Variants in NUMB observed in about 807,000 individuals in gnomAD.
NUMB encodes the protein protein numb homolog.
In NUMB, 29 loss-of-function variants were observed where a neutral mutation model predicts 59.7. The ratio of observed to expected loss-of-function variants is 0.49; its 90% CI spans 0.36 to 0.66. NUMB has a LOEUF of 0.66. Among genes scored for constraint, NUMB ranks in the 30% least tolerant of loss-of-function variants. The pLI is 0.00. For synonymous variants in NUMB, 288 were observed against 288.2 expected (o/e 1.00, Z 0.01); for missense variants, 723 against 822.0 (o/e 0.88, Z 1.47).
At position 73,354,597 on chromosome 14, in the gene NUMB, G is replaced by A. The variant is rs147631587; in HGVS notation, c.126+1029C>T. On this transcript the variant is annotated intron_variant, in intron 4 of 12. Coordinates refer to ENST00000555238, the MANE Select transcript of NUMB (RefSeq NM_001005743.2). ...ATCCCAGCACTTTGGGGGCTGAGGC[G>A]GGAGGATCGCCTGAAGTCAGGAGTT... Among the ~76,000 whole-genome samples, 161 of 150,414 alleles carry A rather than the reference G, an allele frequency of 1.1e-3. 1 individual carries two copies. Among genetic ancestry groups the A allele is most frequent in the African/African-American group, 2.2e-3 (90 of 41,024 alleles).
At chr14:73,383,661 G>A (rs1019298586) in intron 2 of NUMB, among the ~76,000 whole-genome samples, 12 of 152,116 alleles carry the variant, frequency 7.9e-5, no homozygotes, top group Non-Finnish European at 1.8e-4. Context: ...AAGCATGAAA[G>A]AAAACCACGT....
At chr14:73,307,309 T>A (rs866281723) in intron 6 of NUMB, among the ~76,000 whole-genome samples, 14 of 143,168 alleles carry the variant, frequency 9.8e-5, no homozygotes, top group Middle Eastern at 7.3e-3. Context: ...ACTCTGTCTT[T>A]AAAAAAAAAA....
At chr14:73,455,072 T>A (rs944946057) in intron 1 of NUMB, among the ~76,000 whole-genome samples, 8 of 152,302 alleles carry the variant, frequency 5.3e-5, no homozygotes, top group African/African-American at 1.7e-4. Context: ...AGATATGCAA[T>A]GGTTATATGC....
intron 4 of NUMB, among the ~76,000 whole-genome samples, chr14:73,324,498 T>C (rs1292966946): frequency 1.3e-5 from 2 of 152,180 alleles, no homozygotes; most frequent in Non-Finnish European, 2.9e-5. Flanking sequence ...GGGAAAGTTC[T>C]CTTCTCCCCA....
At chr14:73,304,200 C>T (rs920528368) in intron 6 of NUMB, among the ~76,000 whole-genome samples, 10 of 152,230 alleles carry the variant, frequency 6.6e-5, no homozygotes, top group African/African-American at 2.4e-4. Flanking sequence ...AGATGACTTT[C>T]TCCTAAATAT....
At chr14:73,444,079 C>T (rs189565541) in intron 1 of NUMB, among the ~76,000 whole-genome samples, 1 of 152,150 alleles carries the variant, frequency 6.6e-6, no homozygotes, top group East Asian at 1.9e-4. Flanking sequence ...GGGCCGAGAG[C>T]TTTTAAATAT....
At chr14:73,352,490 A>G (rs1893406473) in intron 4 of NUMB, among the ~76,000 whole-genome samples, 1 of 5,514 alleles carries the variant, frequency 1.8e-4, no homozygotes, top group Non-Finnish European at 2.7e-4. Context: ...ATATATATAT[A>G]TATATATATA....
chr14:73,426,572 G>C (rs1326914427), intron 1 of NUMB, among the ~76,000 whole-genome samples: 1 of 152,110 alleles, frequency 6.6e-6, no homozygotes, highest in African/African-American at 2.4e-5. Context: ...CCAGGGCCGG[G>C]CGCGGTGGCT....
rs1264499441 is a variant in NUMB at position 73,292,892 on chromosome 14, C to G, written c.310-18G>C. On this transcript the variant is annotated intron_variant, in intron 7 of 12. Transcript: ENST00000555238. ...ATGAGGTCCTAGAAAATACGACACA[C>G]AAAGAAAGAGAAGACTTATGAGGTT... 6.2e-7 allele frequency: 1 copy of G among 1,613,054 alleles called. No homozygotes were observed. The highest frequency in any genetic ancestry group is 8.5e-7 in the Non-Finnish European group (1 of 1,179,582).
chr14:73,308,773 C>T (rs1236455861), intron 6 of NUMB, among the ~76,000 whole-genome samples: 2 of 152,126 alleles, frequency 1.3e-5, no homozygotes, highest in Non-Finnish European at 2.9e-5. Flanking sequence ...AAGGGGAGAA[C>T]TGGGAAAGTA....
intron 2 of NUMB, among the ~76,000 whole-genome samples, chr14:73,367,449 T>C (rs2140047345): frequency 6.6e-6 from 1 of 150,984 alleles, no homozygotes; most frequent in South Asian, 2.1e-4. Flanking sequence ...GTAAGACCAG[T>C]AATTAGCATT....
intron 4 of NUMB, among the ~76,000 whole-genome samples, chr14:73,334,487 G>A (rs777923624): frequency 6.6e-6 from 1 of 152,144 alleles, no homozygotes; most frequent in Admixed American, 6.5e-5. Flanking sequence ...ACTGACCTAT[G>A]AAACCATCTA....
At chr14:73,411,919 CTTTT>C (rs935625343) in intron 1 of NUMB, among the ~76,000 whole-genome samples, 8 of 106,806 alleles carry the variant, frequency 7.5e-5, no homozygotes, top group South Asian at 3.1e-4. Flanking sequence ...CAGCAATTAA[CTTTT>C]TTTTTTTTTT....
chr14:73,322,917 C>A, intron 5 of NUMB: 1 of 370,886 alleles, frequency 2.7e-6, no homozygotes, highest in Non-Finnish European at 4.8e-6. Context: ...TCTCAAACTC[C>A]TGGCCTCATG....
intron 5 of NUMB, among the ~76,000 whole-genome samples, chr14:73,318,731 C>T (rs1182795428): frequency 6.6e-6 from 1 of 152,124 alleles, no homozygotes; most frequent in Non-Finnish European, 1.5e-5. Flanking sequence ...GGTTATATGA[C>T]AAAGTAAATG....
chr14:73,308,961 CA>C (rs1210686199), intron 6 of NUMB, among the ~76,000 whole-genome samples: 2 of 152,026 alleles, frequency 1.3e-5, no homozygotes, highest in Non-Finnish European at 2.9e-5. Flanking sequence ...TAAATGGGTT[CA>C]ACAGAAGAAG....
rs1212863745 is a variant in NUMB, at chr14:73,451,153, C to CAAA, written c.-233+7337_-233+7339dup. ...TGGGCGACAGAGCAGGACTCTGTCT[C>CAAA]AAAAAAAAAAAAAAAAAAAAACAAA... On this transcript the variant is annotated intron_variant, in intron 1 of 12. Transcript: ENST00000555238. Among the ~76,000 whole-genome samples the CAAA allele has an allele frequency of 2.3e-3, 89 of 38,262 alleles. 3 individuals are homozygous for CAAA. Among genetic ancestry groups the CAAA allele is most frequent in the Non-Finnish European group, 3.3e-3 (64 of 19,252 alleles). 25.1% of individuals were successfully genotyped at this position (38,262 alleles called of 152,430 possible).
chr14:73,297,372 GC>G (rs1181332480), intron 6 of NUMB, 87 bp from the exon 7 acceptor site: 5 of 873,080 alleles, frequency 5.7e-6, no homozygotes, highest in Non-Finnish European at 9.4e-6. Flanking sequence ...CACTGACTCT[GC>G]CTTCCAAAAG....
chr14:73,454,611 C>A (rs1884220290), intron 1 of NUMB, among the ~76,000 whole-genome samples: 2 of 152,212 alleles, frequency 1.3e-5, no homozygotes, highest in African/African-American at 4.8e-5. Flanking sequence ...TTTTTAAAAT[C>A]ACTTACCTAA....
Sources: gnomAD v4.1 joint callset for allele counts (sites outside exome capture counted in the v4.1 genomes callset) on GRCh38, gnomAD v4.1.1 for gene constraint, MANE v1.5 for transcripts, NCBI Gene and HGNC (gene_info 2026-07-23, HGNC 2026-07-21) for gene names.